Variants in CANT1 observed in about 807,000 individuals in gnomAD.
The protein encoded by CANT1 is soluble calcium-activated nucleotidase 1.
CANT1 carries 26 observed loss-of-function variants against 30.0 expected under a neutral mutation model. The ratio of observed to expected loss-of-function variants is 0.87; its 90% CI spans 0.64 to 1.20. The LOEUF is 1.20. Ranked by LOEUF, CANT1 falls within the 50% of genes most tolerant of loss-of-function variation. The pLI is 0.00. For missense variants in CANT1, 518 were observed against 563.0 expected, an observed-to-expected ratio of 0.92 and a Z score of 0.81; for synonymous variants, 246 against 251.8, an observed-to-expected ratio of 0.98 and a Z score of 0.22.
At position 79,009,721 on chromosome 17, in the gene CANT1, G is replaced by C. The variant is rs2071682536; in HGVS notation, c.-204C>G. On this transcript the variant is annotated 5_prime_UTR_variant, in exon 1 of 5. Coordinates refer to ENST00000392446, the MANE Select transcript of CANT1 (RefSeq NM_001159773.2). ...GGCGGGGCTTGGCTGGGCTTGGCTG[G>C]GCTTGGCTGGGCTAACGGCCGGGAC... 6.6e-6 allele frequency: 1 copy of C among 151,500 alleles called. No individual in the cohort carries two copies. The highest frequency in any genetic ancestry group is 1.5e-5 in the Non-Finnish European group (1 of 67,814). The allele number at this position is 151,500 out of a possible 1,614,324, so 9.4% of individuals were successfully genotyped here. A position where few individuals can be genotyped will look rare whatever the true frequency, so the allele number is the denominator to read the frequency against.
chr17:79,009,620 G>T (rs1399597188), intron 1 of CANT1, 44 bp downstream of exon 1: 1 of 152,460 alleles, frequency 6.6e-6, no homozygotes, highest in East Asian at 1.9e-4. Context: ...GTCCGGGCCC[G>T]TGGCTGGGGC....
rs755990879 is a variant in CANT1 at position 78,997,441 on chromosome 17, GAGCAGAGC to G, written c.174_181del (p.Leu59ProfsTer28). ...GGGCCTGCCGGGGGCCGGGCGGTGG[GAGCAGAGC>G]AGCCAGAGGATGGCAGCACCCACAA... On this transcript the variant is annotated frameshift_variant, in exon 3 of 5. Transcript: ENST00000392446. LOFTEE classifies it high-confidence loss of function. This position sits in a 1 kb window ranked among gnomAD's most constrained non-coding sequence, Gnocchi z 7.5. The G allele has an allele frequency of 1.2e-6, 2 of 1,604,114 alleles. No individual in the cohort carries two copies. The highest frequency in any genetic ancestry group is 1.7e-6 in the Non-Finnish European group (2 of 1,173,548).
Position 78,992,472 on chromosome 17 carries a change from C to A in CANT1, c.*1078G>T, listed in dbSNP as rs1178490960. The A allele has an allele frequency of 5.4e-6, 2 of 368,642 alleles. No homozygotes were observed. Among genetic ancestry groups the A allele is most frequent in the Non-Finnish European group, 1.0e-5 (2 of 190,928 alleles). 22.8% of individuals were successfully genotyped at this position (368,642 alleles called of 1,614,324 possible). On this transcript the variant is annotated 3_prime_UTR_variant, in exon 5 of 5. Transcript: ENST00000392446. ...ACACTCCAGCGAAGCCGAGGCCCAG[C>A]CAACGCTCGTGAAGTTTCCACAGAG...
At chr17:79,009,121 G>C (rs947332589) in intron 1 of CANT1, among the ~76,000 whole-genome samples, 1 of 151,988 alleles carries the variant, frequency 6.6e-6, no homozygotes, top group African/African-American at 2.4e-5. Flanking sequence ...AATCAGAGGG[G>C]GATGGTCCCC....
intron 1 of CANT1, among the ~76,000 whole-genome samples, chr17:79,001,749 G>A (rs1398157615): frequency 6.6e-6 from 1 of 152,076 alleles, no homozygotes; most frequent in Non-Finnish European, 1.5e-5. Context: ...TCCCAGGCAG[G>A]TCTTCTCGGC....
intron 4 of CANT1, among the ~76,000 whole-genome samples, chr17:78,994,196 C>T (rs1239085887): frequency 6.6e-6 from 1 of 152,150 alleles, no homozygotes; most frequent in Non-Finnish European, 1.5e-5. Flanking sequence ...TCATCGGAGC[C>T]TCCTCGGGGC....
At position 78,993,832 on chromosome 17, in the gene CANT1, G is replaced by A. The variant is rs1212516248; in HGVS notation, c.924C>T (p.Ser308=). The A allele has an allele frequency of 6.2e-7, 1 of 1,604,162 alleles. No homozygotes were observed. Among genetic ancestry groups the A allele is most frequent in the South Asian group, 1.1e-5 (1 of 90,894 alleles). The change falls in exon 5 of 5, where the codon AGC becomes AGT. Residue 308 remains serine, a synonymous_variant. Transcript: ENST00000392446. The surrounding 1 kb of genome is among the most constrained non-coding windows in gnomAD (Gnocchi z 4.5). ...CGCCCTTGCGCTCGTCGTCCTTCTC[G>A]CTGTAGCGCTCCTGGCTGGCGCGGC... is the stretch of plus-strand genomic sequence containing the variant. ...LPRRASQERY[S]EKDDERKGAN...
chr17:79,007,666 A>C (rs1410721425), intron 1 of CANT1, among the ~76,000 whole-genome samples: 1 of 152,106 alleles, frequency 6.6e-6, no homozygotes, highest in Non-Finnish European at 1.5e-5. Flanking sequence ...CTGCTACCAC[A>C]CCCTGGGTCT....
At chr17:78,999,920 C>T (rs1482494363) in intron 1 of CANT1, among the ~76,000 whole-genome samples, 2 of 151,766 alleles carry the variant, frequency 1.3e-5, no homozygotes, top group Non-Finnish European at 2.9e-5. Context: ...CCCAAAGTGC[C>T]AGGATTACAG....
chr17:79,009,550 G>T, intron 1 of CANT1, 114 bp downstream of exon 1: 1 of 152,622 alleles, frequency 6.6e-6, no homozygotes, highest in South Asian at 2.0e-4. Flanking sequence ...AAGGGGGCCT[G>T]ACGGGTCAGG....
In CANT1 at chr17:78,996,178, C is replaced by T. The variant is rs572939093; in HGVS notation, c.631+814G>A. 1.4e-3 allele frequency among the ~76,000 whole-genome samples: 216 copies of T among 152,296 alleles called. No homozygotes were observed. Among genetic ancestry groups the T allele is most frequent in the African/African-American group, 4.6e-3 (192 of 41,564 alleles). On this transcript the variant is annotated intron_variant, in intron 3 of 4. Transcript: ENST00000392446. The surrounding 1 kb of genome is among the most constrained non-coding windows in gnomAD (Gnocchi z 5.1). ...GGGCAAACACTGAAGATTTTATCAC[C>T]GGGTGTGGGGAGGGCCTGGCCGGCC...
chr17:79,002,527 T>G lies in CANT1; in HGVS notation c.-146-4564A>C, dbSNP rs1009892182. Among the ~76,000 whole-genome samples the G allele has an allele frequency of 1.3e-5, 2 of 151,820 alleles. No homozygotes were observed. Among genetic ancestry groups the G allele is most frequent in the Admixed American group, 1.3e-4 (2 of 15,258 alleles). ...CTCTGCCTGGTGTGTAGACGCGGCC[T>G]GCGTAGACGCGGCCTGCTGTGTAGT... On this transcript the variant is annotated intron_variant, in intron 1 of 4. Coordinates refer to ENST00000392446, the MANE Select transcript of CANT1 (RefSeq NM_001159773.2). This position sits in a 1 kb window ranked among gnomAD's most constrained non-coding sequence, Gnocchi z 4.0.
At position 79,008,212 on chromosome 17, in the gene CANT1, C is replaced by T. The variant is rs1005693309; in HGVS notation, c.-147+1452G>A. The T allele has an allele frequency of 6.6e-5, 10 of 152,362 alleles. No homozygotes were observed. The highest frequency in any genetic ancestry group is 1.0e-4 in the Non-Finnish European group (7 of 68,208). The allele number at this position is 152,362 out of a possible 1,614,324, so 9.4% of individuals were successfully genotyped here. ...CATTGAGGCCAGCAGGGAGGAGCAC[C>T]TGGGAGGAGCCCCACTGCCGTTCCA... On this transcript the variant is annotated intron_variant, in intron 1 of 4. Transcript: ENST00000392446. The surrounding 1 kb of genome is among the most constrained non-coding windows in gnomAD (Gnocchi z 4.4).
chr17:78,993,811 C>T lies in CANT1; in HGVS notation c.945G>A (p.Lys315=), dbSNP rs749103286. The T allele has an allele frequency of 3.7e-6, 6 of 1,608,128 alleles. No homozygotes were observed. The highest frequency in any genetic ancestry group is 5.1e-6 in the Non-Finnish European group (6 of 1,177,956). Reference sequence around the variant, plus strand: ...AGGCGCTCAGCAGCAGGTTGGCGCCCTTGCGCTCGTCGTCCTTCTCGCTGT... The same window carrying T: ...AGGCGCTCAGCAGCAGGTTGGCGCCTTTGCGCTCGTCGTCCTTCTCGCTGT... ...ERYSEKDDER[K]GANLLLSASP... Residue 315 remains lysine, a synonymous_variant, in exon 5 of 5, where the codon AAG becomes AAA. Transcript: ENST00000392446. The surrounding 1 kb of genome is among the most constrained non-coding windows in gnomAD (Gnocchi z 4.5).
chr17:78,993,855 G>A lies in CANT1; in HGVS notation c.901C>T (p.Arg301Cys), dbSNP rs1002771742. ...TCGCTGTAGCGCTCCTGGCTGGCGC[G>A]GCGCGGCAGGAAGAACCAGCGCTGC... ...TLQRWFFLPR[R>C]ASQERYSEKD... Residue 301 changes from arginine to cysteine, a missense_variant, in exon 5 of 5, where the codon CGC becomes TGC. Coordinates refer to ENST00000392446, the MANE Select transcript of CANT1 (RefSeq NM_001159773.2). The surrounding 1 kb of genome is among the most constrained non-coding windows in gnomAD (Gnocchi z 4.5). 5.6e-6 allele frequency: 9 copies of A among 1,598,390 alleles called. No homozygotes were observed. The highest frequency in any genetic ancestry group is 7.7e-6 in the Non-Finnish European group (9 of 1,175,330).
intron 1 of CANT1, among the ~76,000 whole-genome samples, chr17:79,003,416 T>A (rs1460395041): frequency 7.5e-6 from 1 of 132,510 alleles, no homozygotes; most frequent in Non-Finnish European, 1.6e-5. Context: ...GGCAAGAGTT[T>A]GCATGTTCTT....
rs2145841107 is a variant in CANT1 at position 78,997,795 on chromosome 17, AATTCCCGACTCTAG to A, written c.-23+31_-23+44del. 8.8e-6 allele frequency: 5 copies of A among 570,266 alleles called. No homozygotes were observed. Among genetic ancestry groups the A allele is most frequent in the Middle Eastern group, 4.7e-4 (1 of 2,110 alleles). 35.3% of individuals were successfully genotyped at this position (570,266 alleles called of 1,614,324 possible). On this transcript the variant is annotated intron_variant, in intron 2 of 4. Transcript: ENST00000392446. The surrounding 1 kb of genome is among the most constrained non-coding windows in gnomAD (Gnocchi z 7.5). ...CCATTCTTACTCCCTTGGCTTAATG[AATTCCCGACTCTAG>A]ATTCCCGACTCTAGCAGTATCTTTG...
Position 78,993,780 on chromosome 17 carries a change from CA to C in CANT1, c.975del (p.Asp326ThrfsTer7). On this transcript the variant is annotated frameshift_variant, in exon 5 of 5. Coordinates refer to ENST00000392446, the MANE Select transcript of CANT1 (RefSeq NM_001159773.2). LOFTEE classifies it high-confidence loss of function. This position sits in a 1 kb window ranked among gnomAD's most constrained non-coding sequence, Gnocchi z 4.5. Reference protein sequence around the residue: ...KGANLLLSASPDFGDIAVSHV... With the variant: ...KGANLLLSASXDFGDIAVSHV... ...TGGCTCACAGCGATGTCGCCGAAGT[CA>C]GGGGAGGCGCTCAGCAGCAGGTTGG... 6.2e-7 allele frequency: 1 copy of C among 1,612,642 alleles called. No individual in the cohort carries two copies. The highest frequency in any genetic ancestry group is 8.5e-7 in the Non-Finnish European group (1 of 1,179,838).
intron 1 of CANT1, among the ~76,000 whole-genome samples, chr17:79,000,908 C>G (rs1048774781): frequency 1.2e-4 from 18 of 152,220 alleles, no homozygotes; most frequent in African/African-American, 4.1e-4. Flanking sequence ...AGCCCCAGCA[C>G]CTGACGCACT....
Sources: allele counts gnomAD v4.1 joint callset (sites outside exome capture counted in the v4.1 genomes callset), GRCh38; gene constraint gnomAD v4.1.1; non-coding constraint Gnocchi (gnomAD v3.1); transcripts MANE v1.5; gene names NCBI Gene and HGNC (gene_info 2026-07-23, HGNC 2026-07-21).